Variants in CCSER1 observed in about 807,000 individuals in gnomAD.
CCSER1 encodes the protein coiled-coil serine rich protein 1, also known as serine-rich coiled-coil domain-containing protein 1.
CCSER1 carries 41 observed loss-of-function variants against 82.0 expected under a neutral mutation model. The ratio of observed to expected loss-of-function variants is 0.50; its 90% CI spans 0.39 to 0.65. The LOEUF is 0.65. Among genes scored for constraint, CCSER1 ranks in the 30% least tolerant of loss-of-function variants. The pLI is 0.00. For missense variants in CCSER1, 1,119 were observed against 1,064.2 expected, an observed-to-expected ratio of 1.05 and a Z score of -0.72; for synonymous variants, 414 against 383.9, an observed-to-expected ratio of 1.08 and a Z score of -0.92.
intron 10 of CCSER1, among the ~76,000 whole-genome samples, chr4:91,313,750 G>A (rs1395830026): frequency 6.6e-6 from 1 of 151,854 alleles, no homozygotes; most frequent in Non-Finnish European, 1.5e-5. Context: ...AGGCCACATG[G>A]AAAAGATGAC....
chr4:90,392,186 T>TAGAAAACTTCCTA (rs1751288160), intron 3 of CCSER1, among the ~76,000 whole-genome samples: 2 of 151,920 alleles, frequency 1.3e-5, no homozygotes, highest in Admixed American at 1.3e-4. Flanking sequence ...AAATAGGAAG[T>TAGAAAACTTCCTA]TTTCTACTTA....
intron 10 of CCSER1, among the ~76,000 whole-genome samples, chr4:91,532,550 A>G (rs183778207): frequency 7.2e-4 from 109 of 152,330 alleles, no homozygotes; most frequent in Non-Finnish European, 1.0e-3. Context: ...GAACAAAAAT[A>G]TGTGTAATCA....
chr4:91,291,864 T>C (rs1743775367), intron 10 of CCSER1, among the ~76,000 whole-genome samples: 1 of 152,084 alleles, frequency 6.6e-6, no homozygotes. Context: ...CTAGAGATTC[T>C]TGATTCCAGT....
intron 6 of CCSER1, among the ~76,000 whole-genome samples, chr4:90,698,038 G>T (rs1421256048): frequency 2.0e-5 from 3 of 152,158 alleles, no homozygotes; most frequent in Non-Finnish European, 2.9e-5. Flanking sequence ...TGTAAATGAT[G>T]GATGGACTTG....
At chr4:91,275,300 TTTTTTTGTTTGTTTTTG>T (rs1742341643) in intron 10 of CCSER1, among the ~76,000 whole-genome samples, 1 of 147,372 alleles carries the variant, frequency 6.8e-6, no homozygotes, top group Admixed American at 6.7e-5. Flanking sequence ...AGCATCTGTT[TTTTTTTGTTTGTTTTTG>T]TTTTTTGTTT....
intron 10 of CCSER1, among the ~76,000 whole-genome samples, chr4:91,097,890 T>G (rs1417210466): frequency 6.6e-6 from 1 of 152,224 alleles, no homozygotes; most frequent in Non-Finnish European, 1.5e-5. Flanking sequence ...TAACCTGTTA[T>G]CTGTTTTAGA....
At chr4:90,614,212 T>C (rs1720792706) in intron 5 of CCSER1, among the ~76,000 whole-genome samples, 1 of 152,164 alleles carries the variant, frequency 6.6e-6, no homozygotes, top group African/African-American at 2.4e-5. Flanking sequence ...ACTGTGCCCA[T>C]ATAGAAATCA....
At chr4:91,392,098 A>G (rs1651961650) in intron 10 of CCSER1, among the ~76,000 whole-genome samples, 1 of 152,110 alleles carries the variant, frequency 6.6e-6, no homozygotes, top group South Asian at 2.1e-4. Context: ...TTTATTAAAT[A>G]CCATCTGAGT....
At chr4:90,638,243 AT>A (rs543883312) in intron 6 of CCSER1, among the ~76,000 whole-genome samples, 20 of 152,080 alleles carry the variant, frequency 1.3e-4, no homozygotes, top group Admixed American at 6.6e-4. Context: ...TAAGATAATA[AT>A]TTTTTTTAAT....
At chr4:91,406,847 T>G (rs1752735158) in intron 10 of CCSER1, among the ~76,000 whole-genome samples, 1 of 152,200 alleles carries the variant, frequency 6.6e-6, no homozygotes, top group Non-Finnish European at 1.5e-5. Flanking sequence ...AAGTCCTCAG[T>G]TTTTTTATTC....
intron 6 of CCSER1, among the ~76,000 whole-genome samples, chr4:90,718,774 T>C (rs1253313580): frequency 1.3e-5 from 2 of 152,158 alleles, no homozygotes; most frequent in Non-Finnish European, 2.9e-5. Flanking sequence ...ATGAAGAATT[T>C]TTAAAATAAA....
At chr4:90,891,866 A>T (rs1309621325) in intron 8 of CCSER1, among the ~76,000 whole-genome samples, 1 of 152,096 alleles carries the variant, frequency 6.6e-6, no homozygotes, top group East Asian at 1.9e-4. Flanking sequence ...ACTGTTTGAC[A>T]TACATCATTT....
At chr4:91,216,200 C>T (rs1024020895) in intron 10 of CCSER1, among the ~76,000 whole-genome samples, 9 of 152,192 alleles carry the variant, frequency 5.9e-5, no homozygotes, top group Non-Finnish European at 1.3e-4. Flanking sequence ...CCATACCTGC[C>T]TCCTCCAGGC....
chr4:90,245,447 T>C (rs966476910), intron 1 of CCSER1, among the ~76,000 whole-genome samples: 1 of 152,126 alleles, frequency 6.6e-6, no homozygotes, highest in African/African-American at 2.4e-5. Flanking sequence ...GCTTCCTTCT[T>C]ATAAGTCACA....
At chr4:91,558,903 A>G (rs1258152531) in intron 10 of CCSER1, among the ~76,000 whole-genome samples, 1 of 151,558 alleles carries the variant, frequency 6.6e-6, no homozygotes, top group Non-Finnish European at 1.5e-5. Flanking sequence ...GGATGTAAGT[A>G]TTTCAAATAG....
chr4:91,182,104 G>A (rs1270307322), intron 10 of CCSER1, among the ~76,000 whole-genome samples: 1 of 152,142 alleles, frequency 6.6e-6, no homozygotes, highest in Non-Finnish European at 1.5e-5. Context: ...CCAGATGGGT[G>A]GCTGTGTTCG....
At chr4:91,514,975 T>C in intron 10 of CCSER1, among the ~76,000 whole-genome samples, 1 of 152,190 alleles carries the variant, frequency 6.6e-6, no homozygotes, top group Admixed American at 6.6e-5. Flanking sequence ...TAACTTATTC[T>C]ACTGATTTAC....
intron 1 of CCSER1, among the ~76,000 whole-genome samples, chr4:90,256,909 A>G (rs780078457): frequency 1.3e-5 from 2 of 152,100 alleles, no homozygotes; most frequent in Admixed American, 6.6e-5. Context: ...GCTTTGTTTT[A>G]TAATTATTAT....
At chr4:90,801,864 G>T (rs965435769) in intron 7 of CCSER1, among the ~76,000 whole-genome samples, 6 of 152,056 alleles carry the variant, frequency 3.9e-5, no homozygotes, top group African/African-American at 1.4e-4. Context: ...CTGTAAAAAA[G>T]ACTTAGAATA....
Sources: gnomAD v4.1 joint callset for allele counts (sites outside exome capture counted in the v4.1 genomes callset) on GRCh38, gnomAD v4.1.1 for gene constraint, MANE v1.5 for transcripts, NCBI Gene and HGNC (gene_info 2026-07-23, HGNC 2026-07-21) for gene names.